MYO16: variants seen among roughly 807,000 people sequenced by gnomAD.
The protein encoded by MYO16 is unconventional myosin-XVI.
Under a neutral mutation model 205.3 loss-of-function variants are expected in MYO16, and 94 were observed. The observed-to-expected ratio is 0.46, with a 90% CI of 0.39 to 0.54. The LOEUF (loss-of-function observed/expected upper bound fraction) is 0.54, where lower values mean the gene tolerates loss of function less well. Among genes scored for constraint, MYO16 ranks in the 20% least tolerant of loss-of-function variants. MYO16 has a pLI of 0.00. For synonymous variants in MYO16, 988 were observed against 954.0 expected, an observed-to-expected ratio of 1.04 and a Z score of -0.66; for missense variants, 2,315 against 2,387.5, an observed-to-expected ratio of 0.97 and a Z score of 0.63.
intron 3 of MYO16, among the ~76,000 whole-genome samples, chr13:108,723,202 T>C (rs971844952): frequency 6.6e-6 from 1 of 152,204 alleles, no homozygotes; most frequent in Non-Finnish European, 1.5e-5. Flanking sequence ...TTGAAGCTGT[T>C]TGTTTCTTTT....
intron 22 of MYO16, among the ~76,000 whole-genome samples, chr13:109,015,844 T>C (rs934124785): frequency 2.0e-5 from 3 of 152,214 alleles, no homozygotes; most frequent in Non-Finnish European, 1.5e-5. Flanking sequence ...TATTCTATTC[T>C]TCTCTCTTTT....
chr13:109,067,639 G>C (rs1887794963), intron 27 of MYO16, among the ~76,000 whole-genome samples: 1 of 152,148 alleles, frequency 6.6e-6, no homozygotes, highest in South Asian at 2.1e-4. Context: ...GAAGGCCTTG[G>C]AGAGTTCTAA....
chr13:108,754,208 G>A (rs1421437250), intron 4 of MYO16, among the ~76,000 whole-genome samples: 1 of 143,684 alleles, frequency 7.0e-6, no homozygotes, highest in Non-Finnish European at 1.5e-5. Context: ...GCTGTAGCAT[G>A]CAAGACAAGC....
At chr13:108,584,127 G>A in the MYO16 span, among the ~76,000 whole-genome samples, 51 of 152,042 alleles carry the variant, frequency 3.4e-4, no homozygotes, top group African/African-American at 1.1e-3. Flanking sequence ...CTAATTTTTT[G>A]TATTTTTAGT....
At chr13:108,946,136 C>G (rs56140200) in intron 16 of MYO16, among the ~76,000 whole-genome samples, 6,128 of 152,152 alleles carry the variant, frequency 0.04, 170 homozygotes, top group Middle Eastern at 0.092. Flanking sequence ...TATTGTATCT[C>G]CATCCCTTCC....
chr13:109,042,485 T>G (rs558863065), intron 23 of MYO16, among the ~76,000 whole-genome samples: 72 of 152,298 alleles, frequency 4.7e-4, no homozygotes, highest in African/African-American at 1.7e-3. Flanking sequence ...GATTCCAAAT[T>G]TAGCACCAGG....
At chr13:109,038,602 T>A (rs1404317578) in intron 23 of MYO16, among the ~76,000 whole-genome samples, 1 of 152,092 alleles carries the variant, frequency 6.6e-6, no homozygotes, top group Non-Finnish European at 1.5e-5. Context: ...AGCCAATAAC[T>A]CAGACTATAT....
intron 16 of MYO16, among the ~76,000 whole-genome samples, chr13:108,946,408 C>A (rs1240378994): frequency 6.6e-6 from 1 of 152,114 alleles, no homozygotes; most frequent in African/African-American, 2.4e-5. Flanking sequence ...CTATGTATGG[C>A]ACTTCCAGAT....
At chr13:108,746,048 C>T (rs1461112605) in intron 4 of MYO16, among the ~76,000 whole-genome samples, 1 of 150,630 alleles carries the variant, frequency 6.6e-6, no homozygotes, top group Non-Finnish European at 1.5e-5. Flanking sequence ...AAAAAATTAG[C>T]CAGGAGTGGT....
chr13:108,594,509 A>G (rs1878487726), upstream of MYO16, among the ~76,000 whole-genome samples: 1 of 152,184 alleles, frequency 6.6e-6, no homozygotes, highest in Non-Finnish European at 1.5e-5. Flanking sequence ...AGCTCTTGCC[A>G]GCTGCTCTCC....
intron 2 of MYO16, among the ~76,000 whole-genome samples, chr13:108,696,090 T>C (rs1883080839): frequency 6.6e-6 from 1 of 152,182 alleles, no homozygotes; most frequent in African/African-American, 2.4e-5. Flanking sequence ...CCATGGACGA[T>C]AGCATTGCTG....
intron 20 of MYO16, among the ~76,000 whole-genome samples, chr13:108,988,610 C>A (rs1245756782): frequency 1.3e-5 from 2 of 152,134 alleles, no homozygotes; most frequent in Non-Finnish European, 2.9e-5. Context: ...CCCACACATG[C>A]CACAGTGGCC....
rs939173518 is a variant in MYO16 at position 108,844,360 on chromosome 13, C to G, written c.1115C>G (p.Pro372Arg). Residue 372 changes from proline to arginine, a missense_variant, in exon 10 of 35, where the codon CCA becomes CGA. This residue lies in a region of MYO16 where 1,213 missense variants were observed against 1,274.4 expected (regional missense o/e 0.95). Coordinates refer to ENST00000457511, the MANE Select transcript of MYO16 (RefSeq NM_001198950.3). ...LSSKLSPLVL[P>R]IAKQDSLLEK... ...TCCTGTAGCAGTCCCCTGGTGTTAC[C>G]AATTGCCAAGCAAGACAGTTTGTTG... 2 of 1,611,778 alleles carry G rather than the reference C, an allele frequency of 1.2e-6. No homozygotes were observed. Among genetic ancestry groups the G allele is most frequent in the Admixed American group, 3.3e-5 (2 of 59,854 alleles).
chr13:109,145,257 C>T (rs1877275451), intron 32 of MYO16, among the ~76,000 whole-genome samples: 1 of 152,152 alleles, frequency 6.6e-6, no homozygotes, highest in Admixed American at 6.5e-5. Context: ...TTGCTCAAAG[C>T]TGCTGTGCTC....
chr13:109,048,199 G>GGCTAGTC, intron 24 of MYO16: 2 of 379,796 alleles, frequency 5.3e-6, no homozygotes, highest in Non-Finnish European at 9.9e-6. Flanking sequence ...GTGTGTGTGT[G>GGCTAGTC]TGTATTTAGA....
chr13:108,557,778 C>T, the MYO16 span, among the ~76,000 whole-genome samples: 1 of 152,004 alleles, frequency 6.6e-6, no homozygotes, highest in African/African-American at 2.4e-5. Flanking sequence ...AATTGAAATA[C>T]TCATTTTAGC....
In MYO16 at chr13:108,709,962, T is replaced by A. The variant is rs1252482643; in HGVS notation, c.293-2699T>A. ...AGGACAAACAAAACTCAGATTGCCCTTTTCTCACTAGGATGATGCCGGGCT... is the reference window on the plus strand; with the variant it reads ...AGGACAAACAAAACTCAGATTGCCCATTTCTCACTAGGATGATGCCGGGCT... On this transcript the variant is annotated intron_variant, in intron 2 of 34. Coordinates refer to ENST00000457511, the MANE Select transcript of MYO16 (RefSeq NM_001198950.3). 1.5e-5 allele frequency among the ~76,000 whole-genome samples: 2 copies of A among 134,024 alleles called. 1 individual carries two copies. The highest frequency in any genetic ancestry group is 3.3e-5 in the Non-Finnish European group (2 of 61,396). 87.9% of individuals were successfully genotyped at this position (134,024 alleles called of 152,430 possible).
At chr13:109,022,257 A>T (rs1886062353) in intron 23 of MYO16, among the ~76,000 whole-genome samples, 1 of 131,320 alleles carries the variant, frequency 7.6e-6, no homozygotes, top group South Asian at 2.2e-4. Context: ...ATATACAAAT[A>T]TATATACATA....
chr13:109,036,892 C>T (rs1282471751), intron 23 of MYO16, among the ~76,000 whole-genome samples: 1 of 152,174 alleles, frequency 6.6e-6, no homozygotes, highest in Non-Finnish European at 1.5e-5. Context: ...TTTCTCCTTT[C>T]ATCCCACAAA....
Sources: allele counts gnomAD v4.1 joint callset (sites outside exome capture counted in the v4.1 genomes callset), GRCh38; gene constraint gnomAD v4.1.1; regional missense constraint gnomAD v4.1.1; transcripts MANE v1.5; gene names NCBI Gene and HGNC (gene_info 2026-07-23, HGNC 2026-07-21).